The following UCHL3 variants were observed in gnomAD, a reference collection of about 807,000 sequenced individuals.
UCHL3 encodes ubiquitin carboxyl-terminal hydrolase isozyme L3.
Under a neutral mutation model 35.8 loss-of-function variants are expected in UCHL3, and 22 were observed. The ratio of observed to expected loss-of-function variants is 0.61; its 90% CI spans 0.44 to 0.88. UCHL3 has a LOEUF of 0.88. UCHL3 is among the 40% of genes least tolerant of loss of function. The pLI is 0.00. For missense variants in UCHL3, 229 were observed against 276.9 expected (o/e 0.83, Z 1.23); for synonymous variants, 90 against 92.8 (o/e 0.97, Z 0.17).
At chr13:75,592,454 A>ATATATGTATATATG (rs1387886105) in intron 6 of UCHL3, among the ~76,000 whole-genome samples, 4 of 118,834 alleles carry the variant, frequency 3.4e-5, no homozygotes, top group East Asian at 2.4e-4. Context: ...ATATATATAT[A>ATATATGTATATATG]TATATATATA....
intron 7 of UCHL3, among the ~76,000 whole-genome samples, chr13:75,596,730 A>C (rs796422662): frequency 6.6e-6 from 1 of 152,084 alleles, no homozygotes; most frequent in South Asian, 2.1e-4. Context: ...TTAAAAAAAA[A>C]CTCGGTTTTA....
intron 5 of UCHL3, 146 bp downstream of exon 5, chr13:75,567,458 G>A (rs1007664808): frequency 1.5e-6 from 1 of 665,572 alleles, no homozygotes; most frequent in Non-Finnish European, 2.5e-6. Context: ...GTACTTTTCA[G>A]ATAACTTTGA....
intron 3 of UCHL3, among the ~76,000 whole-genome samples, chr13:75,564,878 T>C (rs1312377967): frequency 6.6e-6 from 1 of 152,086 alleles, no homozygotes; most frequent in Admixed American, 6.5e-5. Flanking sequence ...GTATCTTCAG[T>C]AGAGACGGGG....
rs1408379194 is a variant in UCHL3, at chr13:75,549,813, C to T, written c.-8C>T. The T allele has an allele frequency of 1.9e-6, 3 of 1,552,968 alleles. No homozygotes were observed. Among genetic ancestry groups the T allele is most frequent in the African/African-American group, 1.4e-5 (1 of 72,390 alleles). On this transcript the variant is annotated 5_prime_UTR_variant, in exon 1 of 9. Coordinates refer to ENST00000377595, the MANE Select transcript of UCHL3 (RefSeq NM_006002.5). ...GCTGTCAGAGCTGGAGGGCCGGGCA[C>T]CGCGGCCATGGAGGGTCAACGCTGG...
chr13:75,583,961 G>A (rs566408978), intron 6 of UCHL3, among the ~76,000 whole-genome samples: 159 of 152,314 alleles, frequency 1.0e-3, no homozygotes, highest in Non-Finnish European at 1.1e-3. Context: ...ATTAAGTGGG[G>A]ACAAGATGGG....
At chr13:75,602,964 C>T (rs1394995374) in intron 7 of UCHL3, among the ~76,000 whole-genome samples, 1 of 151,956 alleles carries the variant, frequency 6.6e-6, no homozygotes, top group African/African-American at 2.4e-5. Context: ...TGCTCACTGC[C>T]ATTTTTTGTT....
rs533995767 is a variant in UCHL3 at position 75,566,338 on chromosome 13, C to A, written c.184-357C>A. On this transcript the variant is annotated intron_variant, in intron 3 of 8. Coordinates refer to ENST00000377595, the MANE Select transcript of UCHL3 (RefSeq NM_006002.5). Reference sequence around the variant, plus strand: ...TACGATATGCCATAATATATTTTAACCAAATCTCCATTGATGTCTTAGACC... The same window carrying A: ...TACGATATGCCATAATATATTTTAAACAAATCTCCATTGATGTCTTAGACC... Among the ~76,000 whole-genome samples, 130 of 152,202 alleles carry A rather than the reference C, an allele frequency of 8.5e-4. 2 individuals carry two copies. In the South Asian group the frequency reaches 0.026, roughly 31 times the overall value.
chr13:75,591,537 A>T (rs2032477988), intron 6 of UCHL3, among the ~76,000 whole-genome samples: 1 of 152,224 alleles, frequency 6.6e-6, no homozygotes, highest in Non-Finnish European at 1.5e-5. Flanking sequence ...ATAAATGAAC[A>T]TATAAAATTT....
At chr13:75,574,111 G>T (rs1430172687) in intron 6 of UCHL3, among the ~76,000 whole-genome samples, 1 of 152,098 alleles carries the variant, frequency 6.6e-6, no homozygotes, top group Admixed American at 6.5e-5. Flanking sequence ...CCAGCTACTC[G>T]GGAGGCTGAG....
chr13:75,597,607 ATTTGGAATTGTGTAGG>A (rs2032677231), intron 7 of UCHL3, among the ~76,000 whole-genome samples: 1 of 152,202 alleles, frequency 6.6e-6, no homozygotes, highest in Non-Finnish European at 1.5e-5. Flanking sequence ...GATTTAAAGT[ATTTGGAATTGTGTAGG>A]TTATATGCAA....
intron 7 of UCHL3, among the ~76,000 whole-genome samples, chr13:75,595,818 G>A (rs558906215): frequency 9.3e-5 from 14 of 150,538 alleles, no homozygotes; most frequent in African/African-American, 3.4e-4. Context: ...CCTTTCAGTG[G>A]ACTATTTCAT....
intron 3 of UCHL3, among the ~76,000 whole-genome samples, chr13:75,562,791 A>G (rs760992753): frequency 2.0e-5 from 3 of 152,204 alleles, no homozygotes; most frequent in African/African-American, 2.4e-5. Context: ...ACACAGTTCT[A>G]AAGTATTTGC....
In UCHL3 at chr13:75,560,881, G is replaced by C; in HGVS notation, c.183G>C (p.Lys61Asn). 1 of 1,505,018 alleles carries C rather than the reference G, an allele frequency of 6.6e-7. No individual in the cohort carries two copies. Among genetic ancestry groups the C allele is most frequent in the Non-Finnish European group, 8.8e-7 (1 of 1,134,258 alleles). The allele number at this position is 1,505,018 out of a possible 1,614,324, so 93.2% of individuals were successfully genotyped here. A position where few individuals can be genotyped will look rare whatever the true frequency, so the allele number is the denominator to read the frequency against. ...AVLLLFPITE[K>N]YEVFRTEEEE... ...TACTTCTCTTTCCTATTACAGAAAA[G>C]GTAATTGTTATGTAAAATAGAAAGT... The change falls in exon 3 of 9, where the codon AAG becomes AAC. Residue 61 changes from lysine to asparagine, a missense_variant and splice_region_variant. Lys to Asn is a moderately conservative substitution (Grantham distance 94). Transcript: ENST00000377595.
At chr13:75,601,038 T>C (rs903617049) in intron 7 of UCHL3, among the ~76,000 whole-genome samples, 11 of 152,190 alleles carry the variant, frequency 7.2e-5, no homozygotes, top group African/African-American at 2.7e-4. Flanking sequence ...GCAGATATCA[T>C]GAAAATAGCA....
At chr13:75,574,174 T>C (rs1215128707) in intron 6 of UCHL3, among the ~76,000 whole-genome samples, 1 of 151,766 alleles carries the variant, frequency 6.6e-6, no homozygotes, top group Non-Finnish European at 1.5e-5. Context: ...GCCGAGATTG[T>C]GCCACTGTAC....
intron 6 of UCHL3, among the ~76,000 whole-genome samples, chr13:75,587,137 A>G (rs1280326403): frequency 6.6e-6 from 1 of 151,948 alleles, no homozygotes; most frequent in Non-Finnish European, 1.5e-5. Context: ...CCAATATAGT[A>G]GGGCAAGTAA....
chr13:75,592,467 T>TACA (rs1279143807), intron 6 of UCHL3, among the ~76,000 whole-genome samples: 12 of 100,018 alleles, frequency 1.2e-4, no homozygotes, highest in Non-Finnish European at 2.2e-4. Flanking sequence ...TATATATATA[T>TACA]GAAGGAAAAA....
chr13:75,587,713 G>T (rs2032364781), intron 6 of UCHL3, among the ~76,000 whole-genome samples: 2 of 152,078 alleles, frequency 1.3e-5, no homozygotes, highest in Non-Finnish European at 2.9e-5. Context: ...TTTTTAAAAA[G>T]AAGTTTTCAA....
intron 3 of UCHL3, among the ~76,000 whole-genome samples, chr13:75,561,812 C>T (rs1249513430): frequency 6.4e-5 from 2 of 31,288 alleles, no homozygotes; most frequent in South Asian, 8.9e-4. Flanking sequence ...CGTATACATA[C>T]GTATACGTAT....
Sources: allele counts gnomAD v4.1 joint callset (sites outside exome capture counted in the v4.1 genomes callset), GRCh38; gene constraint gnomAD v4.1.1; transcripts MANE v1.5; gene names NCBI Gene and HGNC (gene_info 2026-07-23, HGNC 2026-07-21).